The following PCNT variants were observed in gnomAD, a reference collection of about 807,000 sequenced individuals.
PCNT encodes kendrin.
A neutral mutation model predicts 380.4 loss-of-function variants in PCNT; 319 were observed. The ratio of observed to expected loss-of-function variants is 0.84; its 90% CI spans 0.77 to 0.92. The LOEUF (loss-of-function observed/expected upper bound fraction) is 0.92, where lower values mean the gene tolerates loss of function less well. Ranked by LOEUF, PCNT falls within the 40% of genes least tolerant of loss-of-function variation. The probability of loss-of-function intolerance (pLI) is 0.00; values close to 1 mark genes in which losing one functional copy is unlikely to be tolerated. For synonymous variants in PCNT, 1,845 were observed against 1,735.2 expected, an observed-to-expected ratio of 1.06 and a Z score of -1.57; for missense variants, 4,400 against 4,255.3, an observed-to-expected ratio of 1.03 and a Z score of -0.95.
chr21:46,422,715 A>C (rs2087307183), intron 32 of PCNT, among the ~76,000 whole-genome samples: 1 of 152,130 alleles, frequency 6.6e-6, no homozygotes, highest in Non-Finnish European at 1.5e-5. Context: ...TCCCAAACAA[A>C]ACAGTCTTCA....
intron 38 of PCNT, among the ~76,000 whole-genome samples, chr21:46,435,253 G>C (rs978256134): frequency 6.6e-6 from 1 of 152,104 alleles, no homozygotes; most frequent in African/African-American, 2.4e-5. Flanking sequence ...GGTAGATGGA[G>C]TCTCACTCTG....
At chr21:46,403,804 C>T (rs1290851231) in intron 27 of PCNT, among the ~76,000 whole-genome samples, 1 of 136,496 alleles carries the variant, frequency 7.3e-6, no homozygotes, top group Non-Finnish European at 1.6e-5. Context: ...GTGTGTGGTG[C>T]CCACGCGGCA....
At chr21:46,443,972 C>A (rs748797646) in intron 45 of PCNT, 24 bp downstream of exon 45, 1 of 1,606,322 alleles carries the variant, frequency 6.2e-7, no homozygotes. Context: ...CTTCAGGCCC[C>A]GTCTCCTGCC....
At chr21:46,328,765 G>C (rs910608688) in intron 2 of PCNT, among the ~76,000 whole-genome samples, 8 of 147,842 alleles carry the variant, frequency 5.4e-5, no homozygotes, top group African/African-American at 2.0e-4. Context: ...CCGGCCCTCT[G>C]GTTGCACATA....
chr21:46,344,982 C>T (rs971959360), intron 3 of PCNT, among the ~76,000 whole-genome samples: 4 of 152,170 alleles, frequency 2.6e-5, no homozygotes, highest in African/African-American at 7.2e-5. Context: ...ACTGAGGATT[C>T]GTAATATTCT....
At position 46,334,568 on chromosome 21, in the gene PCNT, ACAGT is replaced by A. The variant is rs778173369; in HGVS notation, c.444_447del (p.Ser149ThrfsTer103). On this transcript the variant is annotated frameshift_variant, in exon 3 of 47. Transcript: ENST00000359568. LOFTEE classifies it high-confidence loss of function. The stretch of plus-strand genomic sequence containing the variant: ...CCCACCAGAACAGCGTGGGATGTTC[ACAGT>A]CAGTGACCACCCACCAGAACAGCAT... 2.5e-6 allele frequency: 4 copies of A among 1,573,626 alleles called. No homozygotes were observed. Among genetic ancestry groups the A allele is most frequent in the East Asian group, 2.2e-5 (1 of 44,834 alleles).
In PCNT at chr21:46,353,084, C is replaced by A; in HGVS notation, c.1457-20C>A. The A allele has an allele frequency of 6.2e-7, 1 of 1,604,800 alleles. No individual in the cohort carries two copies. Among genetic ancestry groups the A allele is most frequent in the Non-Finnish European group, 8.5e-7 (1 of 1,171,914 alleles). On this transcript the variant is annotated intron_variant, in intron 9 of 46. Transcript: ENST00000359568. ...GGGTGTCCCATTTTAAGACGATTGC[C>A]TGACTCCGTTATGTTGCAGAGCTAC... is the stretch of plus-strand genomic sequence containing the variant.
rs1433544232 is a variant in PCNT, at chr21:46,397,481, G to A, written c.4433G>A (p.Arg1478Gln). The change falls in exon 22 of 47, where the codon CGG becomes CAG. Residue 1478 changes from arginine (R) to glutamine (Q), a missense_variant. Transcript: ENST00000359568. ...ASLDKHLRNQ[R>Q]QFMDEQAAER... is the part of the protein sequence containing the mutation. ...CTGGACAAGCATTTGCGCAACCAGC[G>A]GCAATTCATGGATGTAAGAATTCTG... is the stretch of plus-strand genomic sequence containing the variant. 8.1e-6 allele frequency: 13 copies of A among 1,613,502 alleles called. No individual in the cohort carries two copies. The highest frequency in any genetic ancestry group is 1.0e-5 in the Non-Finnish European group (12 of 1,179,472).
Position 46,399,588 on chromosome 21 carries a change from AG to A in PCNT, c.4585del. 6.2e-7 allele frequency: 1 copy of A among 1,605,762 alleles called. No homozygotes were observed. The highest frequency in any genetic ancestry group is 8.5e-7 in the Non-Finnish European group (1 of 1,172,498). Reference sequence around the variant, plus strand: ...TTCCTCAAGCATTTTTTGTTGTTTTAGGTTGAGTTGTTACAACAAAAGTTGA... The same window carrying A: ...TTCCTCAAGCATTTTTTGTTGTTTTAGTTGAGTTGTTACAACAAAAGTTGA... On this transcript the variant is annotated splice_acceptor_variant, in intron 24 of 46. Transcript: ENST00000359568. LOFTEE classifies it high-confidence loss of function.
At chr21:46,426,183 G>C (rs1312664096) in intron 33 of PCNT, among the ~76,000 whole-genome samples, 1 of 145,146 alleles carries the variant, frequency 6.9e-6, no homozygotes, top group South Asian at 2.2e-4. Context: ...ACAGGTGCAT[G>C]CCACCATGCC....
rs970943991 is a variant in PCNT at position 46,354,091 on chromosome 21, G to T, written c.1761+23G>T. On this transcript the variant is annotated intron_variant, in intron 11 of 46. Transcript: ENST00000359568. ...AAGGTAATTGGCCGCGCGCTGAGAA[G>T]TGGGGGAGTCCTGTGCTCTTGACCT... 7 of 1,601,772 alleles carry T rather than the reference G, an allele frequency of 4.4e-6. No individual in the cohort carries two copies. In the African/African-American group the frequency reaches 6.7e-5, roughly 15 times the overall value.
chr21:46,427,775 G>C lies in PCNT; in HGVS notation c.7474G>C (p.Glu2492Gln), dbSNP rs773790043. The C allele has an allele frequency of 3.8e-5, 62 of 1,613,642 alleles. No individual in the cohort carries two copies. Among genetic ancestry groups the C allele is most frequent in the Non-Finnish European group, 5.2e-5 (61 of 1,180,022 alleles). Reference protein sequence around the residue: ...GGHSSLLERLEKIIREQGDLQ... With the variant: ...GGHSSLLERLQKIIREQGDLQ... ...TCACAGCTCCCTGCTCGAAAGGCTGGAGAAGATCATCCGTGAGCAGGTGAG... is the reference window on the plus strand; with the variant it reads ...TCACAGCTCCCTGCTCGAAAGGCTGCAGAAGATCATCCGTGAGCAGGTGAG... Residue 2492 changes from glutamate (E) to glutamine (Q), a missense_variant, in exon 34 of 47, where the codon GAG becomes CAG. Glu to Gln is a conservative substitution (Grantham distance 29, BLOSUM62 2). Transcript: ENST00000359568.
At position 46,411,576 on chromosome 21, in the gene PCNT, C is replaced by T. The variant is rs752782049; in HGVS notation, c.5503C>T (p.Leu1835=). The T allele has an allele frequency of 1.9e-6, 3 of 1,612,756 alleles. No individual in the cohort carries two copies. The highest frequency in any genetic ancestry group is 2.7e-5 in the African/African-American group (2 of 74,936). ...QGAEEAAELQ[L]AELERNVALR... ...CGCAGAGGAGGCTGCGGAGCTACAG[C>T]TGGCTGAGCTGGAGCGCAATGTAGC... The change falls in exon 28 of 47, where the codon CTG becomes TTG. Residue 1835 remains leucine (L), a synonymous_variant. Coordinates refer to ENST00000359568, the MANE Select transcript of PCNT (RefSeq NM_006031.6).
Position 46,354,616 on chromosome 21 carries a change from C to T in PCNT, c.1761+548C>T, listed in dbSNP as rs185573952. Among the ~76,000 whole-genome samples, 29 of 152,240 alleles carry T rather than the reference C, an allele frequency of 1.9e-4. No individual in the cohort carries two copies. The East Asian group carries it at 3.7e-3, about 19-fold the overall frequency. On this transcript the variant is annotated intron_variant, in intron 11 of 46. Coordinates refer to ENST00000359568, the MANE Select transcript of PCNT (RefSeq NM_006031.6). ...CATGAGCAAGCCCGGTGTCGGGCTC[C>T]GGGGGACACACGGGAGGGCAGGGAG...
chr21:46,439,604 A>G (rs2053554257), intron 41 of PCNT, among the ~76,000 whole-genome samples: 1 of 152,208 alleles, frequency 6.6e-6, no homozygotes, highest in Admixed American at 6.5e-5. Flanking sequence ...TAGGGGCAAG[A>G]AAAGAAGCAC....
At chr21:46,361,123 G>T (rs1426943248) in intron 13 of PCNT, among the ~76,000 whole-genome samples, 1 of 152,174 alleles carries the variant, frequency 6.6e-6, no homozygotes, top group East Asian at 1.9e-4. Flanking sequence ...CGGCACGGTG[G>T]CTCAGGCCAG....
At chr21:46,389,518 A>G in intron 19 of PCNT, 87 bp downstream of exon 19, 1 of 1,078,768 alleles carries the variant, frequency 9.3e-7, no homozygotes, top group South Asian at 1.4e-5. Flanking sequence ...TGCCGGTGCC[A>G]ACGACGCTCG....
Position 46,431,641 on chromosome 21 carries a change from A to G in PCNT, c.8177A>G (p.His2726Arg), listed in dbSNP as rs1173746567. 6.2e-7 allele frequency: 1 copy of G among 1,613,838 alleles called. No homozygotes were observed. The highest frequency in any genetic ancestry group is 8.5e-7 in the Non-Finnish European group (1 of 1,179,882). The change falls in exon 38 of 47, where the codon CAC becomes CGC. Residue 2726 changes from histidine (H) to arginine (R), a missense_variant. His to Arg is a conservative substitution (Grantham distance 29, BLOSUM62 0). Transcript: ENST00000359568. ...CTGCAGAAGGAGCTGCGTATCGAGC[A>G]CTCACGCTGCGAGGCCTTGCTGGCT... ...DNLQKELRIEHSRCEALLAQE... is the reference protein window; with the variant it reads ...DNLQKELRIERSRCEALLAQE...
In PCNT at chr21:46,389,382, G is replaced by A; in HGVS notation, c.3791G>A (p.Ser1264Asn). The A allele has an allele frequency of 3.7e-6, 6 of 1,614,212 alleles. No homozygotes were observed. The highest frequency in any genetic ancestry group is 4.2e-6 in the Non-Finnish European group (5 of 1,180,012). ...ATCCGGAGGGTCTTCCAGAGCCTCA[G>A]CCTGGCCGTGGACGGCCTCATGGAG... The part of the protein sequence containing the change: ...QPIRRVFQSL[S>N]LAVDGLMEMA... The change falls in exon 19 of 47, where the codon AGC (serine) becomes AAC (asparagine). Residue 1264 changes from serine to asparagine, a missense_variant. Physicochemically the swap from Ser to Asn is conservative, Grantham distance 46. Coordinates refer to ENST00000359568, the MANE Select transcript of PCNT (RefSeq NM_006031.6).
Sources: allele counts gnomAD v4.1 joint callset (sites outside exome capture counted in the v4.1 genomes callset), GRCh38; gene constraint gnomAD v4.1.1; transcripts MANE v1.5; gene names NCBI Gene and HGNC (gene_info 2026-07-23, HGNC 2026-07-21).